ABCB11: variants seen among roughly 807,000 people sequenced by gnomAD.
ABCB11 encodes ATP binding cassette subfamily B member 11, also known as bile salt export pump.
Under a neutral mutation model 148.0 loss-of-function variants are expected in ABCB11, and 95 were observed. The observed-to-expected ratio is 0.64, with a 90% CI of 0.54 to 0.76. The LOEUF is 0.76. Among genes scored for constraint, ABCB11 ranks in the 30% least tolerant of loss-of-function variants. The probability of loss-of-function intolerance (pLI) is 0.00; values close to 1 mark genes in which losing one functional copy is unlikely to be tolerated. For missense variants in ABCB11, 1,523 were observed against 1,617.8 expected, an observed-to-expected ratio of 0.94 and a Z score of 1.01; for synonymous variants, 591 against 555.4, an observed-to-expected ratio of 1.06 and a Z score of -0.90.
chr2:168,984,536 T>A (rs1455813196), intron 10 of ABCB11, among the ~76,000 whole-genome samples: 2 of 152,156 alleles, frequency 1.3e-5, no homozygotes, highest in Non-Finnish European at 2.9e-5. Flanking sequence ...TTAAGGCTGT[T>A]ATTGACCTGG....
At chr2:169,031,096 C>T (rs1021286994) in intron 1 of ABCB11, 129 bp downstream of exon 1, 4 of 152,142 alleles carry the variant, frequency 2.6e-5, no homozygotes, top group Non-Finnish European at 4.4e-5. Flanking sequence ...AGTTTCTATC[C>T]AAGTATTGTA....
At chr2:168,932,840 T>G (rs1691640461) in intron 23 of ABCB11, among the ~76,000 whole-genome samples, 1 of 152,080 alleles carries the variant, frequency 6.6e-6, no homozygotes, top group Admixed American at 6.5e-5. Context: ...CCAGGCGCGG[T>G]GGCTCACTCC....
rs2389613 is a variant in ABCB11 at position 168,968,233 on chromosome 2, C to A, written c.2075+194G>T. 0.54 allele frequency among the ~76,000 whole-genome samples: 80,823 copies of A among 150,954 alleles called. 22,069 individuals are homozygous for A. The highest frequency in any genetic ancestry group is 0.74 in the East Asian group (3,722 of 5,034). ...ATCCCCAAGAAGATGAGAAGCTAAC[C>A]AAAAACCCATGAATTGGGGAGAGAA... On this transcript the variant is annotated intron_variant, in intron 17 of 27. Transcript: ENST00000650372.
At chr2:168,919,137 C>T (rs1354545332), downstream of ABCB11, among the ~76,000 whole-genome samples, 2 of 151,728 alleles carry the variant, frequency 1.3e-5, no homozygotes, top group African/African-American at 2.4e-5. Context: ...CCAACCTACC[C>T]CACATATTTT....
chr2:168,960,659 C>A (rs985862080), intron 18 of ABCB11, among the ~76,000 whole-genome samples: 13 of 151,146 alleles, frequency 8.6e-5, no homozygotes, highest in African/African-American at 2.9e-4. Context: ...TAAAGTTTGA[C>A]CCCCCCGAAA....
chr2:169,009,855 G>A (rs1695130101), intron 5 of ABCB11, among the ~76,000 whole-genome samples: 1 of 152,124 alleles, frequency 6.6e-6, no homozygotes, highest in South Asian at 2.1e-4. Flanking sequence ...TATGTGAATT[G>A]TATCTCAACA....
intron 19 of ABCB11, among the ~76,000 whole-genome samples, chr2:168,951,195 C>T (rs1219585480): frequency 6.6e-6 from 1 of 151,484 alleles, no homozygotes; most frequent in Non-Finnish European, 1.5e-5. Context: ...ATACCTTTAG[C>T]TTTGTTCCTT....
intron 16 of ABCB11, 32 bp from the exon 17 acceptor site, chr2:168,968,522 A>C: frequency 6.3e-7 from 1 of 1,577,522 alleles, no homozygotes; most frequent in Non-Finnish European, 8.7e-7. Context: ...ATTTTTTAGT[A>C]TATACAATAA....
intron 13 of ABCB11, among the ~76,000 whole-genome samples, chr2:168,973,142 A>G (rs1026189428): frequency 4.1e-5 from 6 of 145,436 alleles, no homozygotes; most frequent in Non-Finnish European, 9.1e-5. Flanking sequence ...TATAATACAA[A>G]GAAAAAAGTG....
chr2:168,956,720 G>A (rs930105259), intron 19 of ABCB11, among the ~76,000 whole-genome samples: 1 of 151,500 alleles, frequency 6.6e-6, no homozygotes, highest in African/African-American at 2.4e-5. Context: ...GCCTGACAGA[G>A]GCTGCTCCAG....
Position 169,013,295 on chromosome 2 carries a change from G to T in ABCB11, c.366C>A (p.Asn122Lys). 1 of 1,612,898 alleles carries T rather than the reference G, an allele frequency of 6.2e-7. No homozygotes were observed. The highest frequency in any genetic ancestry group is 8.5e-7 in the Non-Finnish European group (1 of 1,179,154). ...ACCCACAACGTGTTCCATTTGTCATGTTCTGGTTGAGGGAACTGTTAGTCC... is the reference window on the plus strand; with the variant it reads ...ACCCACAACGTGTTCCATTTGTCATTTTCTGGTTGAGGGAACTGTTAGTCC... ...IVWTNSSLNQ[N>K]MTNGTRCGLL... Residue 122 changes from asparagine to lysine, a missense_variant, in exon 5 of 28, where the codon AAC (asparagine) becomes AAA (lysine). Coordinates refer to ENST00000650372, the MANE Select transcript of ABCB11 (RefSeq NM_003742.4).
At chr2:168,992,368 A>G (rs1694558263) in intron 8 of ABCB11, among the ~76,000 whole-genome samples, 1 of 152,138 alleles carries the variant, frequency 6.6e-6, no homozygotes, top group African/African-American at 2.4e-5. Context: ...GTGAGTGTGT[A>G]TATTACTTTA....
At chr2:168,998,763 C>A (rs1021431204) in intron 5 of ABCB11, among the ~76,000 whole-genome samples, 1 of 152,068 alleles carries the variant, frequency 6.6e-6, no homozygotes, top group South Asian at 2.1e-4. Context: ...CAAGATAATT[C>A]TATCACTGCT....
At chr2:168,992,436 A>G (rs2106007905) in intron 8 of ABCB11, among the ~76,000 whole-genome samples, 1 of 152,222 alleles carries the variant, frequency 6.6e-6, no homozygotes, top group South Asian at 2.1e-4. Context: ...AAATGTTTGC[A>G]AAACCCCTGA....
intron 10 of ABCB11, among the ~76,000 whole-genome samples, chr2:168,981,794 C>G (rs62171035): frequency 6.6e-6 from 1 of 152,098 alleles, no homozygotes; most frequent in African/African-American, 2.4e-5. Context: ...GAAGTAATTA[C>G]TCAGTTCTGC....
chr2:168,934,296 G>A (rs749049826), intron 23 of ABCB11, among the ~76,000 whole-genome samples: 1 of 152,024 alleles, frequency 6.6e-6, no homozygotes, highest in Admixed American at 6.6e-5. Flanking sequence ...GTGAGAAGGC[G>A]GGACTCATGG....
At chr2:168,958,273 T>C in intron 18 of ABCB11, 145 bp from the exon 19 acceptor site, 1 of 717,420 alleles carries the variant, frequency 1.4e-6, no homozygotes, top group Non-Finnish European at 2.2e-6. Flanking sequence ...TTGTTTGTTA[T>C]TTTTTGAGGA....
chr2:169,004,102 C>T (rs1381538501), intron 5 of ABCB11, among the ~76,000 whole-genome samples: 1 of 152,134 alleles, frequency 6.6e-6, no homozygotes, highest in Non-Finnish European at 1.5e-5. Context: ...TTCATCTTGA[C>T]TTTAGATAAT....
In ABCB11 at chr2:168,975,548, AATAC is replaced by A. The variant is rs1558901169; in HGVS notation, c.1308+1025_1308+1028del. ...TTTTATATTTATAGATAAATATATA[AATAC>A]ATAAATATTTTTATATTTATAGATA... On this transcript the variant is annotated intron_variant, in intron 12 of 27. Coordinates refer to ENST00000650372, the MANE Select transcript of ABCB11 (RefSeq NM_003742.4). 8.7e-5 allele frequency among the ~76,000 whole-genome samples: 2 copies of A among 22,958 alleles called. 1 individual carries two copies. The highest frequency in any genetic ancestry group is 1.8e-4 in the Non-Finnish European group (2 of 11,204). 15.1% of individuals were successfully genotyped at this position (22,958 alleles called of 152,430 possible). A position where few individuals can be genotyped will look rare whatever the true frequency, so the allele number is the denominator to read the frequency against.
Sources: gnomAD v4.1 joint callset for allele counts (sites outside exome capture counted in the v4.1 genomes callset) on GRCh38, gnomAD v4.1.1 for gene constraint, MANE v1.5 for transcripts, NCBI Gene and HGNC (gene_info 2026-07-23, HGNC 2026-07-21) for gene names.